Variants in RHBDF1 observed in about 807,000 individuals in gnomAD.
RHBDF1 encodes the protein inactive rhomboid protein 1.
Under a neutral mutation model 98.6 loss-of-function variants are expected in RHBDF1, and 80 were observed. That is an observed-to-expected ratio of 0.81 (90% CI 0.68 to 0.98). The LOEUF is 0.98. Among genes scored for constraint, RHBDF1 ranks in the 50% least tolerant of loss-of-function variants. The pLI is 0.00. For synonymous variants in RHBDF1, 512 were observed against 486.8 expected (o/e 1.05, Z -0.68); for missense variants, 1,116 against 1,198.3 (o/e 0.93, Z 1.01).
chr16:64,561 A>G, intron 3 of RHBDF1, 138 bp downstream of exon 3: 2 of 1,545,090 alleles, frequency 1.3e-6, no homozygotes, highest in Non-Finnish European at 8.7e-7. Flanking sequence ...GAGGAGGGCA[A>G]GGGGATGGTG....
intron 1 of RHBDF1, among the ~76,000 whole-genome samples, chr16:65,417 G>A (rs1190265145): frequency 6.6e-6 from 1 of 152,252 alleles, no homozygotes; most frequent in Admixed American, 6.5e-5. Flanking sequence ...GTTAAAAGAT[G>A]CTAAGTATGA....
chr16:60,492 T>A lies in RHBDF1; in HGVS notation c.1605A>T (p.Pro535=). The change falls in exon 12 of 18, where the codon CCA becomes CCT. Residue 535 remains proline, a synonymous_variant. Transcript: ENST00000262316. ...WVKWPIHPSA[P]ELAGHKRQFG... ...ACTGTCTCTTGTGGCCCGCAAGCTC[T>A]GGGGCGCTGGGATGGATGGGCCACT... 1.2e-6 allele frequency: 2 copies of A among 1,611,590 alleles called. No homozygotes were observed. Among genetic ancestry groups the A allele is most frequent in the Non-Finnish European group, 1.7e-6 (2 of 1,179,966 alleles).
In RHBDF1 at chr16:58,288, G is replaced by A. The variant is rs898711480; in HGVS notation, c.*52C>T. ...TAAGCCTGTGAGGCTCAGGGAGGTC[G>A]TGTCTGGCTCTGGCCTGCTGGAGCA... On this transcript the variant is annotated 3_prime_UTR_variant, in exon 18 of 18. Transcript: ENST00000262316. 100 of 1,558,260 alleles carry A rather than the reference G, an allele frequency of 6.4e-5. No individual in the cohort carries two copies. Among genetic ancestry groups the A allele is most frequent in the South Asian group, 6.4e-4 (53 of 83,160 alleles).
At position 72,515 on chromosome 16, in the gene RHBDF1, C is replaced by A. The variant is rs1351505767; in HGVS notation, c.-27G>T. Reference sequence around the variant, plus strand: ...CGCTCCCGGCCGCGCTCACTCACTGCCGCCGCCGGGGGCTCTGGGGGGTCC... The same window carrying A: ...CGCTCCCGGCCGCGCTCACTCACTGACGCCGCCGGGGGCTCTGGGGGGTCC... On this transcript the variant is annotated splice_region_variant and 5_prime_UTR_variant, in exon 1 of 18. Coordinates refer to ENST00000262316, the MANE Select transcript of RHBDF1 (RefSeq NM_022450.5). 6 of 832,876 alleles carry A rather than the reference C, an allele frequency of 7.2e-6. No homozygotes were observed. The highest frequency in any genetic ancestry group is 6.2e-5 in the African/African-American group (1 of 16,106). 51.6% of individuals were successfully genotyped at this position (832,876 alleles called of 1,614,324 possible). A position where few individuals can be genotyped will look rare whatever the true frequency, so the allele number is the denominator to read the frequency against.
upstream of RHBDF1, among the ~76,000 whole-genome samples, chr16:72,921 T>C (rs1192217497): frequency 2.0e-5 from 3 of 152,118 alleles, no homozygotes; most frequent in Non-Finnish European, 4.4e-5. Flanking sequence ...CTGCCCTGAT[T>C]TGTGCTGAGA....
chr16:72,036 G>A lies in RHBDF1; in HGVS notation c.-25+477C>T, dbSNP rs569668290. On this transcript the variant is annotated intron_variant, in intron 1 of 17. Coordinates refer to ENST00000262316, the MANE Select transcript of RHBDF1 (RefSeq NM_022450.5). ...TATTCCCATCGGTGAGGGCAGCCGGGACAGGGACCATCCCGCCCTGGGCTG... is the reference window on the plus strand; with the variant it reads ...TATTCCCATCGGTGAGGGCAGCCGGAACAGGGACCATCCCGCCCTGGGCTG... 1.2e-3 allele frequency among the ~76,000 whole-genome samples: 184 copies of A among 152,356 alleles called. 1 individual carries two copies. Among genetic ancestry groups the A allele is most frequent in the Admixed American group, 1.9e-3 (29 of 15,310 alleles).
intron 3 of RHBDF1, 44 bp from the exon 4 acceptor site, chr16:63,844 C>T: frequency 6.5e-7 from 1 of 1,544,584 alleles, no homozygotes; most frequent in Non-Finnish European, 8.9e-7. Context: ...GATCGCCCCT[C>T]CCAGGCAGGG....
chr16:61,758 G>GA (rs1470097174), intron 8 of RHBDF1, 40 bp downstream of exon 8: 1 of 1,612,262 alleles, frequency 6.2e-7, no homozygotes, highest in Non-Finnish European at 8.5e-7. Context: ...CCTCCCCCGG[G>GA]AGCCTCCATC....
chr16:69,799 C>A (rs1431126720), intron 1 of RHBDF1, among the ~76,000 whole-genome samples: 1 of 152,202 alleles, frequency 6.6e-6, no homozygotes, highest in African/African-American at 2.4e-5. Flanking sequence ...TGGAGCAGGG[C>A]AGGCCTGAGA....
At chr16:60,598 G>C in intron 11 of RHBDF1, 59 bp from the exon 12 acceptor site, 1 of 1,361,328 alleles carries the variant, frequency 7.3e-7, no homozygotes, top group Non-Finnish European at 1.0e-6. Context: ...GGGGCACGCA[G>C]GGAGTCAGGA....
chr16:68,093 C>G lies in RHBDF1; in HGVS notation c.-24-3054G>C, dbSNP rs145491334. Reference sequence around the variant, plus strand: ...GGGGACCACAGTCGGCCCCAGGAGACAGCAGAGTGCTCAGCTCATGAAGGA... The same window carrying G: ...GGGGACCACAGTCGGCCCCAGGAGAGAGCAGAGTGCTCAGCTCATGAAGGA... On this transcript the variant is annotated intron_variant, in intron 1 of 17. Transcript: ENST00000262316. 2.0e-3 allele frequency among the ~76,000 whole-genome samples: 300 copies of G among 152,276 alleles called. 2 individuals are homozygous for G. The highest frequency in any genetic ancestry group is 6.7e-3 in the African/African-American group (280 of 41,534).
Position 60,575 on chromosome 16 carries a change from G to A in RHBDF1, c.1558-36C>T, listed in dbSNP as rs766915537. 5 of 1,557,846 alleles carry A rather than the reference G, an allele frequency of 3.2e-6. No individual in the cohort carries two copies. The Admixed American group carries it at 6.7e-5, about 21-fold the overall frequency. The stretch of plus-strand genomic sequence containing the variant: ...GGGACACAGGGTCAGGTCCAGTTGG[G>A]TCAGGGCAATGAGGGGCACGCAGGG... On this transcript the variant is annotated intron_variant, in intron 11 of 17. Transcript: ENST00000262316.
intron 3 of RHBDF1, 143 bp downstream of exon 3, chr16:64,556 G>A: frequency 1.3e-6 from 2 of 1,544,966 alleles, no homozygotes; most frequent in Non-Finnish European, 1.7e-6. Flanking sequence ...AACAGGAGGA[G>A]GGCAAGGGGA....
intron 13 of RHBDF1, 178 bp from the exon 14 acceptor site, chr16:60,004 C>T: frequency 6.8e-7 from 1 of 1,474,610 alleles, no homozygotes; most frequent in Non-Finnish European, 9.0e-7. Flanking sequence ...TGTCACTTGA[C>T]CTTTCAAGTC....
Position 58,732 on chromosome 16 carries a change from T to C in RHBDF1, c.2176A>G (p.Ile726Val). ...AGCTCCACGAAGAGGCAGGCCAGGA[T>C]GCCGAACTGGGAGCCAGCAGGACCC... ...EVGPAGSQFGILACLFVELFQ... is the reference protein window; with the variant it reads ...EVGPAGSQFGVLACLFVELFQ... The change falls in exon 18 of 18, where the codon ATC becomes GTC. Residue 726 changes from isoleucine to valine, a missense_variant. Coordinates refer to ENST00000262316, the MANE Select transcript of RHBDF1 (RefSeq NM_022450.5). 3.1e-6 allele frequency: 5 copies of C among 1,612,730 alleles called. No individual in the cohort carries two copies. The highest frequency in any genetic ancestry group is 4.2e-6 in the Non-Finnish European group (5 of 1,179,798).
At chr16:59,604 C>T (rs533722385) in intron 14 of RHBDF1, 110 bp from the exon 15 acceptor site, 9 of 1,477,448 alleles carry the variant, frequency 6.1e-6, no homozygotes, top group Non-Finnish European at 8.3e-6. Context: ...CCAAGGAAGT[C>T]CAGACCCCCT....
chr16:63,627 G>T lies in RHBDF1; in HGVS notation c.422C>A (p.Pro141His). Reference protein sequence around the residue: ...NVSLTSTETPPPLYVGPCQLG... With the variant: ...NVSLTSTETPHPLYVGPCQLG... ...CTGGCATGGCCCCACGTAGAGTGGG[G>T]GTGGCGTCTCGGTGCTGGTCAGCGA... Residue 141 changes from proline (P) to histidine (H), a missense_variant, in exon 4 of 18, where the codon CCC becomes CAC. Pro to His is a moderately conservative substitution (Grantham distance 77, BLOSUM62 -2). Transcript: ENST00000262316. 4 of 1,591,038 alleles carry T rather than the reference G, an allele frequency of 2.5e-6. No individual in the cohort carries two copies. The highest frequency in any genetic ancestry group is 3.4e-6 in the Non-Finnish European group (4 of 1,168,516).
chr16:61,817 C>CG lies in RHBDF1; in HGVS notation c.1188dup (p.Glu397ArgfsTer40). 6.2e-7 allele frequency: 1 copy of CG among 1,612,794 alleles called. No homozygotes were observed. The highest frequency in any genetic ancestry group is 8.5e-7 in the Non-Finnish European group (1 of 1,179,750). ...GCCTACCTGTGGTCGTCCATGTCCT[C>CG]GATCTGGCGCTTGACGAAGCTGTCG... On this transcript the variant is annotated frameshift_variant, in exon 8 of 18. Transcript: ENST00000262316. LOFTEE classifies it high-confidence loss of function.
chr16:60,100 T>G (rs1897551219), intron 13 of RHBDF1, 116 bp downstream of exon 13: 1 of 1,563,708 alleles, frequency 6.4e-7, no homozygotes, highest in South Asian at 1.2e-5. Flanking sequence ...GCACAGCCTC[T>G]GAAAACGTGA....
Sources: gnomAD v4.1 joint callset for allele counts (sites outside exome capture counted in the v4.1 genomes callset) on GRCh38, gnomAD v4.1.1 for gene constraint, MANE v1.5 for transcripts, NCBI Gene and HGNC (gene_info 2026-07-23, HGNC 2026-07-21) for gene names.